OR5AS1: variants seen among roughly 807,000 people sequenced by gnomAD.
The protein encoded by OR5AS1 is olfactory receptor family 5 subfamily AS member 1.
For missense variants in OR5AS1, 492 were observed against 378.2 expected, an observed-to-expected ratio of 1.30 and a Z score of -2.50; for synonymous variants, 196 against 141.7, an observed-to-expected ratio of 1.38 and a Z score of -2.72.
intron 1 of OR5AS1, among the ~76,000 whole-genome samples, chr11:56,029,475 CAAT>C (rs1287206646): frequency 6.6e-6 from 1 of 151,298 alleles, no homozygotes; most frequent in Non-Finnish European, 1.5e-5. Context: ...AAGAAAGCAA[CAAT>C]GATAGGGCAT....
chr11:56,031,387 T>G lies in OR5AS1; in HGVS notation c.969T>G (p.Asn323Lys), dbSNP rs1309680317. 6.6e-7 allele frequency: 1 copy of G among 1,505,850 alleles called. No individual in the cohort carries two copies. The highest frequency in any genetic ancestry group is 8.9e-7 in the Non-Finnish European group (1 of 1,123,500). The allele number at this position is 1,505,850 out of a possible 1,614,324, so 93.3% of individuals were successfully genotyped here. A position where few individuals can be genotyped will look rare whatever the true frequency, so the allele number is the denominator to read the frequency against. ...ATTTAAATCGTTTAAGAATAGTCAA[T>G]ATCTAACTTACCCTTCCAATCTCAT... is the stretch of plus-strand genomic sequence containing the variant. ...EWYLNRLRIV[N>K]I Residue 323 changes from asparagine (N) to lysine (K), a missense_variant, in exon 2 of 2, where the codon AAT becomes AAG. Asn to Lys is a moderately conservative substitution (Grantham distance 94, BLOSUM62 0). Transcript: ENST00000641320.
Position 56,036,247 on chromosome 11 carries a change from T to A in OR5AS1, c.*4854T>A, listed in dbSNP as rs924484406. 3 of 151,178 alleles carry A rather than the reference T, an allele frequency of 2.0e-5. No individual in the cohort carries two copies. Among genetic ancestry groups the A allele is most frequent in the Non-Finnish European group, 2.9e-5 (2 of 67,820 alleles). 9.4% of individuals were successfully genotyped at this position (151,178 alleles called of 1,614,324 possible). Reference sequence around the variant, plus strand: ...ACTAGATAAACAAGAACAAACAAATTCAAAAGCCTCAGAAGACAAGAAATA... The same window carrying A: ...ACTAGATAAACAAGAACAAACAAATACAAAAGCCTCAGAAGACAAGAAATA... On this transcript the variant is annotated 3_prime_UTR_variant, in exon 2 of 2. Transcript: ENST00000641320.
intron 1 of OR5AS1, among the ~76,000 whole-genome samples, chr11:56,029,673 G>T (rs1215750079): frequency 6.6e-6 from 1 of 151,838 alleles, no homozygotes; most frequent in Non-Finnish European, 1.5e-5. Context: ...CAATCAAAAT[G>T]GAGTCAATTT....
In OR5AS1 at chr11:56,034,045, T is replaced by A. The variant is rs1417848013; in HGVS notation, c.*2652T>A. The A allele has an allele frequency of 6.6e-6, 1 of 152,302 alleles. No homozygotes were observed. The highest frequency in any genetic ancestry group is 1.5e-5 in the Non-Finnish European group (1 of 68,258). 9.4% of individuals were successfully genotyped at this position (152,302 alleles called of 1,614,324 possible). A position where few individuals can be genotyped will look rare whatever the true frequency, so the allele number is the denominator to read the frequency against. On this transcript the variant is annotated 3_prime_UTR_variant, in exon 2 of 2. Transcript: ENST00000641320. ...GGGGCCTGACAATTAAAAGGAAAACTAAGGAATAGCATCAATATCAACAAA... is the reference window on the plus strand; with the variant it reads ...GGGGCCTGACAATTAAAAGGAAAACAAAGGAATAGCATCAATATCAACAAA...
rs920048669 is a variant in OR5AS1 at position 56,037,781 on chromosome 11, T to C, written c.*6388T>C. ...AAAAAAAAAACTACTTTAAATTTCA[T>C]GTGGAACCAGAAAACAGCCCATGTA... On this transcript the variant is annotated 3_prime_UTR_variant, in exon 2 of 2. Coordinates refer to ENST00000641320, the MANE Select transcript of OR5AS1 (RefSeq NM_001001921.2). 13 of 151,168 alleles carry C rather than the reference T, an allele frequency of 8.6e-5. No homozygotes were observed. In the East Asian group the frequency reaches 9.7e-4, roughly 11 times the overall value. 9.4% of individuals were successfully genotyped at this position (151,168 alleles called of 1,614,324 possible). A position where few individuals can be genotyped will look rare whatever the true frequency, so the allele number is the denominator to read the frequency against.
rs928717366 is a variant in OR5AS1, at chr11:56,037,526, T to C, written c.*6133T>C. The C allele has an allele frequency of 2.0e-5, 3 of 151,898 alleles. No individual in the cohort carries two copies. Among genetic ancestry groups the C allele is most frequent in the Non-Finnish European group, 4.4e-5 (3 of 67,988 alleles). 9.4% of individuals were successfully genotyped at this position (151,898 alleles called of 1,614,324 possible). ...CATTCACAATTGCTACAAAAGAGTG[T>C]AAAATACCTAGAAATACAACTTACG... is the stretch of plus-strand genomic sequence containing the variant. On this transcript the variant is annotated 3_prime_UTR_variant, in exon 2 of 2. Coordinates refer to ENST00000641320, the MANE Select transcript of OR5AS1 (RefSeq NM_001001921.2).
rs1853409747 is a variant in OR5AS1, at chr11:56,036,761, C to T, written c.*5368C>T. ...TAGAAAACGAGAGGCTCCTCCCTAA[C>T]TCATTTTATGCGGCCAGCATCATCC... is the stretch of plus-strand genomic sequence containing the variant. On this transcript the variant is annotated 3_prime_UTR_variant, in exon 2 of 2. Coordinates refer to ENST00000641320, the MANE Select transcript of OR5AS1 (RefSeq NM_001001921.2). 1 of 152,130 alleles carries T rather than the reference C, an allele frequency of 6.6e-6. No individual in the cohort carries two copies. Among genetic ancestry groups the T allele is most frequent in the African/African-American group, 2.4e-5 (1 of 41,384 alleles). 9.4% of individuals were successfully genotyped at this position (152,130 alleles called of 1,614,324 possible). A position where few individuals can be genotyped will look rare whatever the true frequency, so the allele number is the denominator to read the frequency against.
rs1274692582 is a variant in OR5AS1 at position 56,032,017 on chromosome 11, T to C, written c.*624T>C. ...TTTGTACTCACAAAGCATTTGTCAA[T>C]AGAGATATTTTATAATACCAATAAT... is the stretch of plus-strand genomic sequence containing the variant. On this transcript the variant is annotated 3_prime_UTR_variant, in exon 2 of 2. Coordinates refer to ENST00000641320, the MANE Select transcript of OR5AS1 (RefSeq NM_001001921.2). 1.3e-5 allele frequency: 2 copies of C among 152,164 alleles called. No homozygotes were observed. The highest frequency in any genetic ancestry group is 3.8e-4 in the East Asian group (2 of 5,200). 9.4% of individuals were successfully genotyped at this position (152,164 alleles called of 1,614,324 possible).
rs1853372688 is a variant in OR5AS1, at chr11:56,033,522, G to T, written c.*2129G>T. The T allele has an allele frequency of 7.2e-5, 11 of 152,150 alleles. No homozygotes were observed. Among genetic ancestry groups the T allele is most frequent in the Admixed American group, 7.2e-4 (11 of 15,262 alleles). 9.4% of individuals were successfully genotyped at this position (152,150 alleles called of 1,614,324 possible). ...ACAAAGCTGCCAGGAAGTTTGAACTGGGTGGAGCCCACCGCAGCACTGCAA... is the reference window on the plus strand; with the variant it reads ...ACAAAGCTGCCAGGAAGTTTGAACTTGGTGGAGCCCACCGCAGCACTGCAA... On this transcript the variant is annotated 3_prime_UTR_variant, in exon 2 of 2. Coordinates refer to ENST00000641320, the MANE Select transcript of OR5AS1 (RefSeq NM_001001921.2).
At position 56,030,504 on chromosome 11, in the gene OR5AS1, T is replaced by C. The variant is rs374444827; in HGVS notation, c.86T>C (p.Leu29Ser). ...CTACCTCTCAGAGTCACACTGTTCT[T>C]GGTATTCCTTCTGGTATATACATTA... ...DYLPLRVTLF[L>S]VFLLVYTLTM... Residue 29 changes from leucine (L) to serine (S), a missense_variant, in exon 2 of 2, where the codon TTG becomes TCG. Transcript: ENST00000641320. The C allele has an allele frequency of 5.8e-6, 9 of 1,542,438 alleles. No individual in the cohort carries two copies. The highest frequency in any genetic ancestry group is 7.9e-6 in the Non-Finnish European group (9 of 1,142,602).
In OR5AS1 at chr11:56,032,091, G is replaced by A. The variant is rs1853357621; in HGVS notation, c.*698G>A. 1 of 152,080 alleles carries A rather than the reference G, an allele frequency of 6.6e-6. No homozygotes were observed. The highest frequency in any genetic ancestry group is 2.4e-5 in the African/African-American group (1 of 41,364). 9.4% of individuals were successfully genotyped at this position (152,080 alleles called of 1,614,324 possible). ...TTCACTGGTTCTCAAGAAATTAGAA[G>A]ACATGTAGCAATAGTCTCATTATTA... On this transcript the variant is annotated 3_prime_UTR_variant, in exon 2 of 2. Transcript: ENST00000641320.
chr11:56,030,250 A>ACAAAAT, intron 1 of OR5AS1, 141 bp from the exon 2 acceptor site: 1 of 409,718 alleles, frequency 2.4e-6, no homozygotes, highest in Non-Finnish European at 4.3e-6. Context: ...TAATCAAATG[A>ACAAAAT]CAAAATCAAA....
Position 56,036,928 on chromosome 11 carries a change from T to C in OR5AS1, c.*5535T>C, listed in dbSNP as rs906747363. 5.3e-5 allele frequency: 8 copies of C among 151,912 alleles called. No homozygotes were observed. Among genetic ancestry groups the C allele is most frequent in the Non-Finnish European group, 8.8e-5 (6 of 67,934 alleles). The allele number at this position is 151,912 out of a possible 1,614,324, so 9.4% of individuals were successfully genotyped here. On this transcript the variant is annotated 3_prime_UTR_variant, in exon 2 of 2. Coordinates refer to ENST00000641320, the MANE Select transcript of OR5AS1 (RefSeq NM_001001921.2). ...CAAAAAGCTTATCCACCAATCAAAT[T>C]GGCTTTATCCCTGGGATGCAAGGCT...
In OR5AS1 at chr11:56,037,008, AC is replaced by A. The variant is rs1853412696; in HGVS notation, c.*5616del. The A allele has an allele frequency of 6.6e-6, 1 of 152,154 alleles. No individual in the cohort carries two copies. Among genetic ancestry groups the A allele is most frequent in the African/African-American group, 2.4e-5 (1 of 41,394 alleles). 9.4% of individuals were successfully genotyped at this position (152,154 alleles called of 1,614,324 possible). A position where few individuals can be genotyped will look rare whatever the true frequency, so the allele number is the denominator to read the frequency against. On this transcript the variant is annotated 3_prime_UTR_variant, in exon 2 of 2. Transcript: ENST00000641320. Reference sequence around the variant, plus strand: ...ACCCATCTCATAAACAGAACCAATGACAAAAGCACATGTTTATCTCAACAGA... The same window carrying A: ...ACCCATCTCATAAACAGAACCAATGAAAAAGCACATGTTTATCTCAACAGA...
rs549601761 is a variant in OR5AS1 at position 56,035,175 on chromosome 11, A to G, written c.*3782A>G. ...AGCCACTGCAAAAAAAACAAATTTT[A>G]AAGAACATTGACACTACGAAGAAAC... On this transcript the variant is annotated 3_prime_UTR_variant, in exon 2 of 2. Transcript: ENST00000641320. 1.3e-5 allele frequency: 2 copies of G among 152,322 alleles called. No individual in the cohort carries two copies. The highest frequency in any genetic ancestry group is 2.1e-4 in the South Asian group (1 of 4,832). 9.4% of individuals were successfully genotyped at this position (152,322 alleles called of 1,614,324 possible).
chr11:56,031,345 A>T lies in OR5AS1; in HGVS notation c.927A>T (p.Gly309=). 2 of 1,575,986 alleles carry T rather than the reference A, an allele frequency of 1.3e-6. No individual in the cohort carries two copies. The highest frequency in any genetic ancestry group is 8.6e-7 in the Non-Finnish European group (1 of 1,160,370). Residue 309 remains glycine, a synonymous_variant, in exon 2 of 2, where the codon GGA becomes GGT. Coordinates refer to ENST00000641320, the MANE Select transcript of OR5AS1 (RefSeq NM_001001921.2). ...NALKKLLERI[G]YSNEWYLNRL... is the part of the protein sequence containing the mutation. ...TCAAAAAGCTATTAGAAAGAATTGG[A>T]TATTCAAATGAATGGTATTTAAATC... is the stretch of plus-strand genomic sequence containing the variant.
intron 1 of OR5AS1, among the ~76,000 whole-genome samples, chr11:56,029,049 G>A (rs1179839728): frequency 6.6e-6 from 1 of 151,936 alleles, no homozygotes. Flanking sequence ...CAAGTTATTT[G>A]CTCTTCTAAA....
In OR5AS1 at chr11:56,036,777, A is replaced by T. The variant is rs1304987999; in HGVS notation, c.*5384A>T. On this transcript the variant is annotated 3_prime_UTR_variant, in exon 2 of 2. Transcript: ENST00000641320. Reference sequence around the variant, plus strand: ...CCTCCCTAACTCATTTTATGCGGCCAGCATCATCCTGATATGAAAACCTGG... The same window carrying T: ...CCTCCCTAACTCATTTTATGCGGCCTGCATCATCCTGATATGAAAACCTGG... The T allele has an allele frequency of 6.6e-6, 1 of 152,130 alleles. No homozygotes were observed. Among genetic ancestry groups the T allele is most frequent in the East Asian group, 1.9e-4 (1 of 5,192 alleles). 9.4% of individuals were successfully genotyped at this position (152,130 alleles called of 1,614,324 possible).
chr11:56,036,017 T>G lies in OR5AS1; in HGVS notation c.*4624T>G, dbSNP rs1032566556. 6.6e-6 allele frequency: 1 copy of G among 152,098 alleles called. No homozygotes were observed. Among genetic ancestry groups the G allele is most frequent in the African/African-American group, 2.4e-5 (1 of 41,390 alleles). 9.4% of individuals were successfully genotyped at this position (152,098 alleles called of 1,614,324 possible). ...ACATCTACATGGAAACTGAACAACC[T>G]GCTCATGAATGACTACTGGGTAAAT... On this transcript the variant is annotated 3_prime_UTR_variant, in exon 2 of 2. Coordinates refer to ENST00000641320, the MANE Select transcript of OR5AS1 (RefSeq NM_001001921.2).
Sources: allele counts gnomAD v4.1 joint callset (sites outside exome capture counted in the v4.1 genomes callset), GRCh38; gene constraint gnomAD v4.1.1; transcripts MANE v1.5; gene names NCBI Gene and HGNC (gene_info 2026-07-23, HGNC 2026-07-21).